Variants in RALGAPA2 observed in about 807,000 individuals in gnomAD.
The protein encoded by RALGAPA2 is ral GTPase-activating protein subunit alpha-2.
In RALGAPA2, 139 loss-of-function variants were observed where a neutral mutation model predicts 230.4. That is an observed-to-expected ratio of 0.60 (90% CI 0.53 to 0.69). The LOEUF is 0.69. Ranked by LOEUF, RALGAPA2 falls within the 30% of genes least tolerant of loss-of-function variation. RALGAPA2 has a pLI of 0.00. For synonymous variants in RALGAPA2, 847 were observed against 837.8 expected, an observed-to-expected ratio of 1.01 and a Z score of -0.19; for missense variants, 2,163 against 2,276.0, an observed-to-expected ratio of 0.95 and a Z score of 1.01.
chr20:20,651,099 G>A lies in RALGAPA2; in HGVS notation c.328+2431C>T, dbSNP rs149746855. Among the ~76,000 whole-genome samples the A allele has an allele frequency of 5.9e-4, 90 of 152,240 alleles. No homozygotes were observed. In the East Asian group the frequency reaches 6.6e-3, roughly 11 times the overall value. ...TTAGTTGGGGCCGGGAGGAGAAGGC[G>A]CTGCCCAGGCCACTGGAAGTGTTAT... On this transcript the variant is annotated intron_variant, in intron 4 of 39. Coordinates refer to ENST00000202677, the MANE Select transcript of RALGAPA2 (RefSeq NM_020343.4).
At position 20,495,229 on chromosome 20, in the gene RALGAPA2, T is replaced by C; in HGVS notation, c.5255A>G (p.His1752Arg). ...NDEVHIVWSE[H>R]SRDYRRGIIP... ...AATACCCCTGCGGTAGTCTCTGGAGTGTTCAGACCAGACGATATGGACCTC... is the reference window on the plus strand; with the variant it reads ...AATACCCCTGCGGTAGTCTCTGGAGCGTTCAGACCAGACGATATGGACCTC... The change falls in exon 36 of 40, where the codon CAC becomes CGC. Residue 1752 changes from histidine to arginine, a missense_variant. By Grantham distance (29) the His-to-Arg change is conservative. Coordinates refer to ENST00000202677, the MANE Select transcript of RALGAPA2 (RefSeq NM_020343.4). The C allele has an allele frequency of 6.3e-7, 1 of 1,597,436 alleles. No individual in the cohort carries two copies. Among genetic ancestry groups the C allele is most frequent in the Non-Finnish European group, 8.6e-7 (1 of 1,168,172 alleles).
intron 18 of RALGAPA2, among the ~76,000 whole-genome samples, chr20:20,586,978 T>A (rs748839673): frequency 2.0e-5 from 3 of 151,992 alleles, no homozygotes; most frequent in Non-Finnish European, 4.4e-5. Flanking sequence ...GATACCACTG[T>A]ACCAATGAGG....
intron 1 of RALGAPA2, among the ~76,000 whole-genome samples, chr20:20,691,365 G>A (rs1054937794): frequency 5.9e-5 from 9 of 151,512 alleles, no homozygotes; most frequent in African/African-American, 2.2e-4. Context: ...TCCCTCTAAC[G>A]TATTCACACA....
intron 16 of RALGAPA2, among the ~76,000 whole-genome samples, chr20:20,592,621 A>G (rs2065325911): frequency 6.6e-6 from 1 of 152,192 alleles, no homozygotes. Flanking sequence ...TACTACTACT[A>G]AGAAGAGGAT....
At chr20:20,494,733 C>G (rs1336852873) in intron 36 of RALGAPA2, among the ~76,000 whole-genome samples, 1 of 152,228 alleles carries the variant, frequency 6.6e-6, no homozygotes, top group African/African-American at 2.4e-5. Flanking sequence ...TCCATACCCA[C>G]GGTTCTCCAC....
At chr20:20,676,358 A>C in intron 2 of RALGAPA2, 70 bp from the exon 3 acceptor site, 1 of 1,072,306 alleles carries the variant, frequency 9.3e-7, no homozygotes, top group Non-Finnish European at 1.4e-6. Context: ...ATTATGCTAA[A>C]AGGCAGCTTA....
chr20:20,691,573 C>A (rs1427598695), intron 1 of RALGAPA2, among the ~76,000 whole-genome samples: 1 of 152,182 alleles, frequency 6.6e-6, no homozygotes, highest in Non-Finnish European at 1.5e-5. Flanking sequence ...ACAAAAGCAT[C>A]CAGTCCAATC....
chr20:20,676,345 C>G, intron 2 of RALGAPA2, 57 bp from the exon 3 acceptor site: 5 of 1,195,142 alleles, frequency 4.2e-6, no homozygotes, highest in South Asian at 1.4e-5. Flanking sequence ...CAGGACACTA[C>G]AAATTATGCT....
chr20:20,523,679 T>C (rs1292239983), intron 30 of RALGAPA2, among the ~76,000 whole-genome samples: 1 of 152,182 alleles, frequency 6.6e-6, no homozygotes, highest in Non-Finnish European at 1.5e-5. Flanking sequence ...AATTATCAAA[T>C]GTACCCTGAA....
chr20:20,489,681 T>C (rs2062002001), intron 36 of RALGAPA2, among the ~76,000 whole-genome samples: 1 of 152,204 alleles, frequency 6.6e-6, no homozygotes, highest in South Asian at 2.1e-4. Context: ...TGAGCGCTCT[T>C]TCCTTTTCAC....
chr20:20,579,355 T>C (rs939484679), intron 20 of RALGAPA2, among the ~76,000 whole-genome samples: 6 of 152,196 alleles, frequency 3.9e-5, no homozygotes, highest in African/African-American at 1.2e-4. Flanking sequence ...GCTGTGCACA[T>C]AGCAGACAAC....
chr20:20,697,094 A>T (rs893019844), intron 1 of RALGAPA2, among the ~76,000 whole-genome samples: 1 of 152,182 alleles, frequency 6.6e-6, no homozygotes, highest in African/African-American at 2.4e-5. Flanking sequence ...CTAGGGCTTC[A>T]TCTGCAAATA....
intron 31 of RALGAPA2, among the ~76,000 whole-genome samples, chr20:20,515,967 A>T (rs2062859171): frequency 6.6e-6 from 1 of 152,172 alleles, no homozygotes; most frequent in Admixed American, 6.5e-5. Context: ...TTCTGCGTGC[A>T]GACTGCCTGG....
Position 20,392,520 on chromosome 20 carries a change from A to G in RALGAPA2, c.*769T>C, listed in dbSNP as rs1602233537. ...CTGCAGGAACTTATGCAAGGACAGGACCCTGTATTTCTGGAATCTTCTGAG... is the reference window on the plus strand; with the variant it reads ...CTGCAGGAACTTATGCAAGGACAGGGCCCTGTATTTCTGGAATCTTCTGAG... On this transcript the variant is annotated 3_prime_UTR_variant, in exon 40 of 40. Transcript: ENST00000202677. 1 of 153,788 alleles carries G rather than the reference A, an allele frequency of 6.5e-6. No individual in the cohort carries two copies. The highest frequency in any genetic ancestry group is 1.4e-5 in the Non-Finnish European group (1 of 69,142). 9.5% of individuals were successfully genotyped at this position (153,788 alleles called of 1,614,324 possible). A position where few individuals can be genotyped will look rare whatever the true frequency, so the allele number is the denominator to read the frequency against.
In RALGAPA2 at chr20:20,589,309, C is replaced by A; in HGVS notation, c.2398G>T (p.Glu800Ter). 1 of 1,589,534 alleles carries A rather than the reference C, an allele frequency of 6.3e-7. No individual in the cohort carries two copies. ...SSSSEPQPIQ[E>*]NKGHVKREHE... is the part of the protein sequence containing the mutation. ...TCTCTCTTCACATGTCCTTTATTCT[C>A]TTGAATAGGCTGAGGCTCTGAAGAA... Residue 800 changes from glutamate (E) to a stop codon, truncating the protein, a stop_gained, in exon 18 of 40, where the codon GAG becomes TAG. Coordinates refer to ENST00000202677, the MANE Select transcript of RALGAPA2 (RefSeq NM_020343.4). LOFTEE classifies it high-confidence loss of function.
At chr20:20,518,191 G>T (rs1420146631) in intron 31 of RALGAPA2, among the ~76,000 whole-genome samples, 1 of 152,072 alleles carries the variant, frequency 6.6e-6, no homozygotes, top group East Asian at 1.9e-4. Flanking sequence ...GAGTAGCTGG[G>T]ACTACAGGCA....
intron 20 of RALGAPA2, among the ~76,000 whole-genome samples, chr20:20,580,848 T>C (rs1175706664): frequency 6.6e-6 from 1 of 152,220 alleles, no homozygotes; most frequent in Non-Finnish European, 1.5e-5. Flanking sequence ...AGGCAGTTTA[T>C]TATTCTAAGC....
chr20:20,601,893 T>C, intron 15 of RALGAPA2, 47 bp from the exon 16 acceptor site: 1 of 1,491,080 alleles, frequency 6.7e-7, no homozygotes, highest in Non-Finnish European at 9.0e-7. Context: ...TTCATTATTA[T>C]TCATTTCACG....
At chr20:20,471,846 A>T (rs952880978) in intron 37 of RALGAPA2, 1 of 152,192 alleles carries the variant, frequency 6.6e-6, no homozygotes, top group Non-Finnish European at 1.5e-5. Context: ...TCAGTCAATG[A>T]AGTGACCAGG....
Sources: gnomAD v4.1 joint callset for allele counts (sites outside exome capture counted in the v4.1 genomes callset) on GRCh38, gnomAD v4.1.1 for gene constraint, MANE v1.5 for transcripts, NCBI Gene and HGNC (gene_info 2026-07-23, HGNC 2026-07-21) for gene names.